The following UBXN4 variants were observed in gnomAD, a reference collection of about 807,000 sequenced individuals.
UBXN4 encodes UBX domain protein 4, also known as UBX domain-containing protein 4.
UBXN4 carries 35 observed loss-of-function variants against 66.2 expected under a neutral mutation model. That is an observed-to-expected ratio of 0.53 (90% CI 0.40 to 0.70). The LOEUF is 0.70. Ranked by LOEUF, UBXN4 falls within the 30% of genes least tolerant of loss-of-function variation. The pLI, the probability that UBXN4 is intolerant of heterozygous loss-of-function variation, is 0.00. For synonymous variants in UBXN4, 203 were observed against 204.5 expected, an observed-to-expected ratio of 0.99 and a Z score of 0.06; for missense variants, 533 against 599.8, an observed-to-expected ratio of 0.89 and a Z score of 1.16.
At chr2:135,749,641 T>C (rs1160197562) in intron 2 of UBXN4, among the ~76,000 whole-genome samples, 1 of 152,220 alleles carries the variant, frequency 6.6e-6, no homozygotes, top group Non-Finnish European at 1.5e-5. Context: ...TAAGTATTGT[T>C]AATTTTTTAA....
chr2:135,775,775 T>G (rs2077410912), intron 9 of UBXN4, among the ~76,000 whole-genome samples: 1 of 152,196 alleles, frequency 6.6e-6, no homozygotes, highest in African/African-American at 2.4e-5. Context: ...GGCTTAATTT[T>G]TGTTTGTTTG....
chr2:135,748,799 A>T (rs1277799986), intron 2 of UBXN4, among the ~76,000 whole-genome samples: 3 of 151,794 alleles, frequency 2.0e-5, no homozygotes, highest in African/African-American at 7.3e-5. Flanking sequence ...GGAGGCCAAG[A>T]CAGGCGGATC....
chr2:135,742,848 T>C (rs1157641891), intron 1 of UBXN4: 1 of 152,136 alleles, frequency 6.6e-6, no homozygotes, highest in African/African-American at 2.4e-5. Context: ...AAATAGACGT[T>C]CAGTCCTTGG....
intron 4 of UBXN4, 125 bp from the exon 5 acceptor site, chr2:135,755,392 C>G: frequency 1.5e-6 from 1 of 657,738 alleles, no homozygotes. Context: ...TTGGATTCAT[C>G]TATTTATGAG....
In UBXN4 at chr2:135,783,442, T is replaced by C. The variant is rs1575326255; in HGVS notation, c.*555T>C. 1 of 152,272 alleles carries C rather than the reference T, an allele frequency of 6.6e-6. No individual in the cohort carries two copies. The highest frequency in any genetic ancestry group is 2.4e-5 in the African/African-American group (1 of 41,460). The allele number at this position is 152,272 out of a possible 1,614,324, so 9.4% of individuals were successfully genotyped here. ...CTTAGTTTTGCTTTGAGTTTTGTTA[T>C]CTAGCATCTTTTTGTTGCACAGGGC... On this transcript the variant is annotated 3_prime_UTR_variant, in exon 13 of 13. Coordinates refer to ENST00000272638, the MANE Select transcript of UBXN4 (RefSeq NM_014607.4).
At chr2:135,782,270 A>G (rs2077455031) in intron 12 of UBXN4, among the ~76,000 whole-genome samples, 1 of 152,186 alleles carries the variant, frequency 6.6e-6, no homozygotes, top group African/African-American at 2.4e-5. Flanking sequence ...TATTTTCAGA[A>G]TAGGAAGTCC....
In UBXN4 at chr2:135,780,373, A is replaced by C; in HGVS notation, c.1376A>C (p.Lys459Thr). ...CCCCCAAACCCTGCATCATCTAGCA[A>C]ATCAGAAAAAAGGTATCTGTGTGTG... is the stretch of plus-strand genomic sequence containing the variant. ...SEPPNPASSS[K>T]SEKREPVRKR... Residue 459 changes from lysine (K) to threonine (T), a missense_variant, in exon 12 of 13, where the codon AAA (lysine) becomes ACA (threonine). Around this residue, in one of 2 missense-constraint regions of UBXN4, gnomAD observed 529 missense variants for 580.1 expected, o/e 0.91. Transcript: ENST00000272638. 1 of 1,613,990 alleles carries C rather than the reference A, an allele frequency of 6.2e-7. No individual in the cohort carries two copies. The highest frequency in any genetic ancestry group is 1.1e-5 in the South Asian group (1 of 91,074).
intron 2 of UBXN4, 113 bp downstream of exon 2, chr2:135,748,482 C>CCCA: frequency 2.7e-6 from 2 of 750,648 alleles, no homozygotes; most frequent in Non-Finnish European, 3.8e-6. Context: ...GCACTCCCAG[C>CCCA]ACTTTGGGAG....
In UBXN4 at chr2:135,755,535, G is replaced by A. The variant is rs772270264; in HGVS notation, c.352G>A (p.Glu118Lys). The stretch of plus-strand genomic sequence containing the variant: ...TGCCTAGATGCATTTGCTAAAAAGT[G>A]AAACATCAGTAGCAAATGGCAGTCA... Reference protein sequence around the residue: ...KVRQMHLLKSETSVANGSQSE... With the variant: ...KVRQMHLLKSKTSVANGSQSE... Residue 118 changes from glutamate to lysine, a missense_variant, in exon 5 of 13, where the codon GAA becomes AAA. By Grantham distance (56) the Glu-to-Lys change is moderately conservative. Transcript: ENST00000272638. 13 of 1,588,158 alleles carry A rather than the reference G, an allele frequency of 8.2e-6. No individual in the cohort carries two copies. The South Asian group carries it at 1.5e-4, about 18-fold the overall frequency.
At chr2:135,757,421 C>T (rs2077285174) in intron 5 of UBXN4, among the ~76,000 whole-genome samples, 1 of 152,086 alleles carries the variant, frequency 6.6e-6, no homozygotes, top group Admixed American at 6.6e-5. Context: ...AATGAGTACT[C>T]TTCATCTACG....
At chr2:135,775,290 G>A (rs963232400) in intron 9 of UBXN4, among the ~76,000 whole-genome samples, 20 of 152,220 alleles carry the variant, frequency 1.3e-4, no homozygotes, top group African/African-American at 4.8e-4. Flanking sequence ...GAGTTCTACA[G>A]CAGCAGTTTA....
chr2:135,779,601 T>C (rs754115864), intron 11 of UBXN4, among the ~76,000 whole-genome samples: 9 of 152,062 alleles, frequency 5.9e-5, no homozygotes, highest in Non-Finnish European at 1.3e-4. Flanking sequence ...AGACGTGCCC[T>C]CCACCCCAAA....
At chr2:135,744,610 T>C (rs62170077) in intron 1 of UBXN4, among the ~76,000 whole-genome samples, 2,043 of 151,962 alleles carry the variant, frequency 0.013, 27 homozygotes, top group South Asian at 0.031. Flanking sequence ...AGCCTTTAGG[T>C]TTTGAGCAGT....
intron 7 of UBXN4, 57 bp from the exon 8 acceptor site, chr2:135,770,511 AAAT>A: frequency 8.3e-7 from 1 of 1,211,994 alleles, no homozygotes; most frequent in Non-Finnish European, 1.1e-6. Flanking sequence ...GTTGCATTCA[AAAT>A]AATATCTGGG....
intron 10 of UBXN4, 109 bp downstream of exon 10, chr2:135,776,460 A>C: frequency 2.3e-6 from 2 of 888,440 alleles, no homozygotes; most frequent in Non-Finnish European, 3.4e-6. Context: ...TGACCTCTCC[A>C]GGAGGGAGGC....
intron 8 of UBXN4, among the ~76,000 whole-genome samples, chr2:135,771,322 C>A (rs562803189): frequency 1.3e-5 from 2 of 152,028 alleles, no homozygotes; most frequent in Admixed American, 1.3e-4. Context: ...ACTAAAAATA[C>A]AAAAATTAAT....
At chr2:135,771,498 A>G (rs1031554527) in intron 8 of UBXN4, among the ~76,000 whole-genome samples, 2 of 152,014 alleles carry the variant, frequency 1.3e-5, no homozygotes, top group African/African-American at 2.4e-5. Context: ...AAGAAAGAAA[A>G]AAAGCCATCC....
intron 9 of UBXN4, among the ~76,000 whole-genome samples, chr2:135,773,487 C>G (rs1033325287): frequency 2.6e-5 from 4 of 152,144 alleles, no homozygotes; most frequent in African/African-American, 9.7e-5. Context: ...CATGTGGCCA[C>G]CTTCAGAGTA....
intron 3 of UBXN4, chr2:135,753,778 C>G (rs2077261932): frequency 2.1e-6 from 1 of 481,800 alleles, no homozygotes; most frequent in Non-Finnish European, 3.6e-6. Context: ...GTAGTGCACC[C>G]CATACATTGA....
Sources: allele counts gnomAD v4.1 joint callset (sites outside exome capture counted in the v4.1 genomes callset), GRCh38; gene constraint gnomAD v4.1.1; regional missense constraint gnomAD v4.1.1; transcripts MANE v1.5; gene names NCBI Gene and HGNC (gene_info 2026-07-23, HGNC 2026-07-21).